The following SLC39A11 variants were observed in gnomAD, a reference collection of about 807,000 sequenced individuals.
SLC39A11 encodes solute carrier family 39 member 11, also known as zinc transporter ZIP11.
In SLC39A11, 33 loss-of-function variants were observed where a neutral mutation model predicts 36.1. The ratio of observed to expected loss-of-function variants is 0.91; its 90% CI spans 0.69 to 1.22. The LOEUF is 1.22. Ranked by LOEUF, SLC39A11 falls within the 50% of genes most tolerant of loss-of-function variation. SLC39A11 has a pLI of 0.00. For missense variants in SLC39A11, 432 were observed against 430.3 expected, an observed-to-expected ratio of 1.00 and a Z score of -0.03; for synonymous variants, 166 against 170.3, an observed-to-expected ratio of 0.97 and a Z score of 0.20.
chr17:72,718,675 A>C (rs1458409551), intron 7 of SLC39A11, among the ~76,000 whole-genome samples: 1 of 152,190 alleles, frequency 6.6e-6, no homozygotes, highest in Admixed American at 6.5e-5. Context: ...AGTCAAATTC[A>C]TAGGGACAGA....
At chr17:73,038,263 A>G (rs987393560) in intron 3 of SLC39A11, among the ~76,000 whole-genome samples, 10 of 151,720 alleles carry the variant, frequency 6.6e-5, no homozygotes, top group African/African-American at 2.2e-4. Flanking sequence ...ACTCTTGCAA[A>G]AGGGCTAAGG....
chr17:73,043,947 A>T (rs2059189138), intron 3 of SLC39A11, among the ~76,000 whole-genome samples: 2 of 152,220 alleles, frequency 1.3e-5, no homozygotes, highest in Non-Finnish European at 2.9e-5. Context: ...CCTTCATAAT[A>T]TACCAGCTTT....
At chr17:72,842,592 T>C (rs1011868377) in intron 6 of SLC39A11, among the ~76,000 whole-genome samples, 1 of 152,210 alleles carries the variant, frequency 6.6e-6, no homozygotes, top group African/African-American at 2.4e-5. Context: ...TTTGGAAGGC[T>C]CAGAGCCCTT....
intron 6 of SLC39A11, among the ~76,000 whole-genome samples, chr17:72,780,526 G>GT (rs1568079362): frequency 6.2e-5 from 7 of 113,126 alleles, no homozygotes; most frequent in African/African-American, 1.3e-4. Flanking sequence ...AAGATGGGGG[G>GT]CGGGTGGGGG....
chr17:72,758,714 C>T (rs1772596101), intron 6 of SLC39A11, among the ~76,000 whole-genome samples: 2 of 152,194 alleles, frequency 1.3e-5, no homozygotes, highest in Admixed American at 1.3e-4. Flanking sequence ...GTCACTTGAG[C>T]AGCCCAGAAC....
chr17:72,724,938 A>G (rs984909345), intron 7 of SLC39A11, among the ~76,000 whole-genome samples: 11 of 152,196 alleles, frequency 7.2e-5, no homozygotes, highest in Admixed American at 5.2e-4. Flanking sequence ...CTCCAAAAAG[A>G]TGAATCCTGT....
chr17:72,917,436 G>A (rs930985070), intron 5 of SLC39A11, among the ~76,000 whole-genome samples: 5 of 152,160 alleles, frequency 3.3e-5, no homozygotes, highest in Admixed American at 2.0e-4. Context: ...ATCACTAGAG[G>A]GAAGAAGTGA....
intron 4 of SLC39A11, among the ~76,000 whole-genome samples, chr17:72,988,565 T>C (rs186401117): frequency 1.4e-5 from 2 of 145,522 alleles, no homozygotes; most frequent in Non-Finnish European, 3.0e-5. Context: ...CTTATTCCAC[T>C]TTTTTTTTTA....
At chr17:73,032,403 TGCCATATTG>T (rs1251597481) in intron 3 of SLC39A11, among the ~76,000 whole-genome samples, 1 of 152,086 alleles carries the variant, frequency 6.6e-6, no homozygotes, top group Non-Finnish European at 1.5e-5. Context: ...GATGGGATTT[TGCCATATTG>T]GCCAGGCTGG....
chr17:72,970,116 C>A (rs183031954), intron 4 of SLC39A11, among the ~76,000 whole-genome samples: 1 of 152,282 alleles, frequency 6.6e-6, no homozygotes, highest in Non-Finnish European at 1.5e-5. Context: ...ATCTTTCAAC[C>A]GTTAAAAGGT....
At position 73,031,730 on chromosome 17, in the gene SLC39A11, C is replaced by T. The variant is rs369525928; in HGVS notation, c.148-16G>A. On this transcript the variant is annotated splice_polypyrimidine_tract_variant and intron_variant, in intron 3 of 9. Coordinates refer to ENST00000255559, the MANE Select transcript of SLC39A11 (RefSeq NM_139177.4). Reference sequence around the variant, plus strand: ...CCAACATGACCTACAAAAACCACAACGAGAGATAAACGTTAAAGCAACTGC... The same window carrying T: ...CCAACATGACCTACAAAAACCACAATGAGAGATAAACGTTAAAGCAACTGC... 118 of 1,612,066 alleles carry T rather than the reference C, an allele frequency of 7.3e-5. No homozygotes were observed. Among genetic ancestry groups the T allele is most frequent in the Admixed American group, 1.0e-4 (6 of 59,712 alleles).
At chr17:72,731,576 C>A (rs1005990159) in intron 7 of SLC39A11, among the ~76,000 whole-genome samples, 10 of 151,780 alleles carry the variant, frequency 6.6e-5, no homozygotes, top group Non-Finnish European at 1.2e-4. Context: ...TTTAGATTAG[C>A]TTTAGGTCTA....
At chr17:72,904,139 G>C (rs2082532169) in intron 5 of SLC39A11, among the ~76,000 whole-genome samples, 1 of 152,174 alleles carries the variant, frequency 6.6e-6, no homozygotes, top group Non-Finnish European at 1.5e-5. Flanking sequence ...TCCCTCAAAA[G>C]CGGTGAGCCC....
rs557868048 is a variant in SLC39A11 at position 72,649,044 on chromosome 17, G to A, written c.771-83C>T. ...TGCCCAGACTGTTGGCTCAACCCTA[G>A]CACATGGATGCATGCCATTCTACGT... On this transcript the variant is annotated intron_variant, in intron 8 of 9. Transcript: ENST00000255559. 7.1e-6 allele frequency: 11 copies of A among 1,548,978 alleles called. No individual in the cohort carries two copies. In the African/African-American group the frequency reaches 1.5e-4, roughly 21 times the overall value.
intron 4 of SLC39A11, among the ~76,000 whole-genome samples, chr17:72,960,430 G>A (rs775480190): frequency 3.3e-5 from 5 of 152,140 alleles, no homozygotes; most frequent in Non-Finnish European, 7.3e-5. Flanking sequence ...CAGATAGATA[G>A]ATAAATAGCC....
intron 5 of SLC39A11, among the ~76,000 whole-genome samples, chr17:72,904,721 C>G (rs1261196418): frequency 6.6e-6 from 1 of 152,138 alleles, no homozygotes; most frequent in South Asian, 2.1e-4. Context: ...GATCTCAGAG[C>G]GAGAATTACT....
chr17:72,734,541 T>C (rs1341738586), intron 7 of SLC39A11, among the ~76,000 whole-genome samples: 1 of 152,164 alleles, frequency 6.6e-6, no homozygotes, highest in Non-Finnish European at 1.5e-5. Flanking sequence ...CCACCCCAGT[T>C]AGAGGATCCT....
At chr17:72,908,538 G>T (rs993290362) in intron 5 of SLC39A11, among the ~76,000 whole-genome samples, 1 of 152,220 alleles carries the variant, frequency 6.6e-6, no homozygotes, top group Non-Finnish European at 1.5e-5. Context: ...AGAGAGCCCC[G>T]GCTTGCCAGG....
intron 5 of SLC39A11, among the ~76,000 whole-genome samples, chr17:72,909,272 T>C (rs1451432074): frequency 3.9e-5 from 6 of 152,160 alleles, no homozygotes; most frequent in Non-Finnish European, 8.8e-5. Flanking sequence ...ATCCCACCCA[T>C]TCTGGAAAAT....
Sources: gnomAD v4.1 joint callset for allele counts (sites outside exome capture counted in the v4.1 genomes callset) on GRCh38, gnomAD v4.1.1 for gene constraint, MANE v1.5 for transcripts, NCBI Gene and HGNC (gene_info 2026-07-23, HGNC 2026-07-21) for gene names.